Variants in RALGPS1 observed in about 807,000 individuals in gnomAD.
RALGPS1 encodes Ral GEF with PH domain and SH3 binding motif 1, also known as ras-specific guanine nucleotide-releasing factor RalGPS1.
In RALGPS1, 19 loss-of-function variants were observed where a neutral mutation model predicts 78.8. That is an observed-to-expected ratio of 0.24 (90% CI 0.17 to 0.35). The LOEUF (loss-of-function observed/expected upper bound fraction) is 0.35, where lower values mean the gene tolerates loss of function less well. RALGPS1 is among the 10% of genes least tolerant of loss of function. The pLI, the probability that RALGPS1 is intolerant of heterozygous loss-of-function variation, is 1.00. For missense variants in RALGPS1, 454 were observed against 688.3 expected (o/e 0.66, Z 3.81); for synonymous variants, 228 against 256.3 (o/e 0.89, Z 1.06).
intron 1 of RALGPS1, among the ~76,000 whole-genome samples, chr9:126,928,988 A>G (rs933310811): frequency 6.6e-6 from 1 of 152,182 alleles, no homozygotes; most frequent in African/African-American, 2.4e-5. Flanking sequence ...CTAATAATTC[A>G]TTAGAGAATT....
At chr9:127,110,351 C>G (rs1037218141) in intron 8 of RALGPS1, among the ~76,000 whole-genome samples, 2 of 152,304 alleles carry the variant, frequency 1.3e-5, no homozygotes, top group East Asian at 3.9e-4. Context: ...GCCACCCTGC[C>G]TCCTGTCTTG....
chr9:127,183,724 C>T lies in RALGPS1; in HGVS notation c.910+8942C>T. 2.8e-6 allele frequency: 2 copies of T among 703,080 alleles called. No homozygotes were observed. 43.6% of individuals were successfully genotyped at this position (703,080 alleles called of 1,614,324 possible). A position where few individuals can be genotyped will look rare whatever the true frequency, so the allele number is the denominator to read the frequency against. On this transcript the variant is annotated intron_variant, in intron 11 of 18. Coordinates refer to ENST00000259351, the MANE Select transcript of RALGPS1 (RefSeq NM_014636.3). The surrounding 1 kb of genome is among the most constrained non-coding windows in gnomAD (Gnocchi z 4.0). ...AAGCTGTAGGCCCTCTCTCCATGTG[C>T]TCCTCTCTCTGGAAACATACTCTCT...
At chr9:127,174,830 T>C in intron 11 of RALGPS1, 48 bp downstream of exon 11, 1 of 1,569,812 alleles carries the variant, frequency 6.4e-7, no homozygotes, top group Non-Finnish European at 8.8e-7. Context: ...ATAGCCTAAT[T>C]GTGGCTGCCA....
At chr9:127,115,239 G>T (rs1458792832) in intron 8 of RALGPS1, among the ~76,000 whole-genome samples, 4 of 151,926 alleles carry the variant, frequency 2.6e-5, no homozygotes, top group Non-Finnish European at 5.9e-5. Context: ...ACCCAGGCTG[G>T]AGTGCAATGG....
chr9:126,936,449 T>C (rs1255302229), intron 1 of RALGPS1, among the ~76,000 whole-genome samples: 1 of 152,184 alleles, frequency 6.6e-6, no homozygotes, highest in African/African-American at 2.4e-5. Flanking sequence ...AGGAAAAATA[T>C]TTCGTGACAG....
intron 1 of RALGPS1, among the ~76,000 whole-genome samples, chr9:126,951,223 G>C (rs13300569): frequency 6.8e-6 from 1 of 146,514 alleles, no homozygotes; most frequent in African/African-American, 2.4e-5. Context: ...ATTCACAGCC[G>C]AATTCTACCA....
At chr9:126,958,212 G>A (rs1277673470) in intron 1 of RALGPS1, among the ~76,000 whole-genome samples, 1 of 149,024 alleles carries the variant, frequency 6.7e-6, no homozygotes, top group South Asian at 2.1e-4. Flanking sequence ...AGGGGAATGG[G>A]GGAGGGAAGA....
At chr9:126,968,970 C>T (rs190624046) in intron 3 of RALGPS1, among the ~76,000 whole-genome samples, 406 of 152,186 alleles carry the variant, frequency 2.7e-3, no homozygotes, top group Non-Finnish European at 4.5e-3. Context: ...ATCACTTGAA[C>T]CCAGGAGGCA....
intron 8 of RALGPS1, among the ~76,000 whole-genome samples, chr9:127,095,562 G>A (rs548341702): frequency 1.8e-4 from 28 of 152,222 alleles, no homozygotes; most frequent in Non-Finnish European, 3.4e-4. Context: ...CGGAAGCTCA[G>A]GGCAGGGTGG....
chr9:126,915,543 TGCTTGGGTGGGA>T (rs2119376168), intron 1 of RALGPS1: 1 of 151,546 alleles, frequency 6.6e-6, no homozygotes, highest in East Asian at 2.0e-4. Flanking sequence ...TGCCCAGGGG[TGCTTGGGTGGGA>T]GCGGGGGCTT....
chr9:126,962,427 G>A (rs1405729650), intron 2 of RALGPS1, 81 bp downstream of exon 2: 13 of 1,420,292 alleles, frequency 9.2e-6, no homozygotes, highest in African/African-American at 2.8e-5. Flanking sequence ...GCCTTGGACA[G>A]CGAGGCAGTA....
At chr9:126,962,440 G>A in intron 2 of RALGPS1, 94 bp downstream of exon 2, 5 of 1,292,486 alleles carry the variant, frequency 3.9e-6, no homozygotes, top group Non-Finnish European at 5.5e-6. Flanking sequence ...AGGCAGTAGG[G>A]CTCTGTGAAT....
intron 5 of RALGPS1, among the ~76,000 whole-genome samples, chr9:127,038,015 CAGAT>C (rs774709155): frequency 1.3e-5 from 2 of 152,194 alleles, no homozygotes; most frequent in Admixed American, 1.3e-4. Flanking sequence ...GAAAGGAAGA[CAGAT>C]AGTTATCATA....
At chr9:127,011,004 C>T (rs974891107) in intron 4 of RALGPS1, among the ~76,000 whole-genome samples, 5 of 152,100 alleles carry the variant, frequency 3.3e-5, no homozygotes, top group South Asian at 4.2e-4. Context: ...GGAGGCTCCC[C>T]GAGACCTCCT....
At chr9:127,161,348 G>C (rs1186433088) in intron 8 of RALGPS1, among the ~76,000 whole-genome samples, 4 of 152,214 alleles carry the variant, frequency 2.6e-5, no homozygotes, top group South Asian at 2.1e-4. Flanking sequence ...GGAGACTCGT[G>C]TAAACCACCG....
At chr9:127,118,404 A>G (rs548440966) in intron 8 of RALGPS1, among the ~76,000 whole-genome samples, 2 of 152,248 alleles carry the variant, frequency 1.3e-5, no homozygotes, top group African/African-American at 4.8e-5. Context: ...TAACTCTTCT[A>G]TTTGGGGTGT....
chr9:127,101,186 A>G (rs2053686355), intron 8 of RALGPS1, among the ~76,000 whole-genome samples: 1 of 152,252 alleles, frequency 6.6e-6, no homozygotes, highest in Non-Finnish European at 1.5e-5. Context: ...AAGAATGGTG[A>G]TGATCATGTA....
chr9:127,060,332 G>T (rs1358343895), intron 7 of RALGPS1, among the ~76,000 whole-genome samples: 3 of 152,198 alleles, frequency 2.0e-5, no homozygotes, highest in Admixed American at 2.0e-4. Context: ...ACCTGCATTT[G>T]TGTGGGGACC....
chr9:127,085,067 G>A (rs2051565673), intron 8 of RALGPS1, among the ~76,000 whole-genome samples: 1 of 152,180 alleles, frequency 6.6e-6, no homozygotes, highest in Admixed American at 6.5e-5. Context: ...GTAATGTGAA[G>A]GTTTCTCTTT....
Sources: gnomAD v4.1 joint callset for allele counts (sites outside exome capture counted in the v4.1 genomes callset) on GRCh38, gnomAD v4.1.1 for gene constraint, Gnocchi (gnomAD v3.1) non-coding constraint, MANE v1.5 for transcripts, NCBI Gene and HGNC (gene_info 2026-07-23, HGNC 2026-07-21) for gene names.